The following MAPK7 variants were observed in gnomAD, a reference collection of about 807,000 sequenced individuals.
The protein encoded by MAPK7 is BMK-1.
In MAPK7, 30 loss-of-function variants were observed where a neutral mutation model predicts 56.9. That is an observed-to-expected ratio of 0.53 (90% CI 0.39 to 0.72). The LOEUF is 0.72. Among genes scored for constraint, MAPK7 ranks in the 30% least tolerant of loss-of-function variants. The pLI is 0.00. For missense variants in MAPK7, 952 were observed against 1,110.8 expected, an observed-to-expected ratio of 0.86 and a Z score of 2.03; for synonymous variants, 516 against 449.3, an observed-to-expected ratio of 1.15 and a Z score of -1.88.
At chr17:19,379,239 C>G (rs1912411497) in intron 2 of MAPK7, 107 bp downstream of exon 2, 3 of 966,238 alleles carry the variant, frequency 3.1e-6, no homozygotes, top group Admixed American at 2.2e-5. Flanking sequence ...AGTTCTGGCT[C>G]CAGTCAACAC....
chr17:19,382,296 G>T lies in MAPK7; in HGVS notation c.1993G>T (p.Ala665Ser). Residue 665 changes from alanine to serine, a missense_variant, in exon 5 of 7, where the codon GCT (alanine) becomes TCT (serine). Around this residue, in one of 5 missense-constraint regions of MAPK7, gnomAD observed 234 missense variants for 210.4 expected, o/e 1.11. Transcript: ENST00000395604. Reference sequence around the variant, plus strand: ...GATTGCCACCTCCACCAGCCTCCTGGCTGCCCAGTCACTTGTGCCACCCCC... The same window carrying T: ...GATTGCCACCTCCACCAGCCTCCTGTCTGCCCAGTCACTTGTGCCACCCCC... The part of the protein sequence containing the change: ...PQIATSTSLL[A>S]AQSLVPPPGL... 1 of 1,613,046 alleles carries T rather than the reference G, an allele frequency of 6.2e-7. No individual in the cohort carries two copies. Among genetic ancestry groups the T allele is most frequent in the East Asian group, 2.2e-5 (1 of 44,852 alleles).
rs751828560 is a variant in MAPK7, at chr17:19,382,430, T to G, written c.2127T>G (p.Asp709Glu). ...APQSSMSESPDVNLVTQQLSK... is the reference protein window; with the variant it reads ...APQSSMSESPEVNLVTQQLSK... Reference sequence around the variant, plus strand: ...AGTCTTCCATGTCAGAGTCACCTGATGTCAACCTTGTGACCCAGCAGCTAT... The same window carrying G: ...AGTCTTCCATGTCAGAGTCACCTGAGGTCAACCTTGTGACCCAGCAGCTAT... The change falls in exon 5 of 7, where the codon GAT becomes GAG. Residue 709 changes from aspartate (D) to glutamate (E), a missense_variant. By Grantham distance (45) the Asp-to-Glu change is conservative. Coordinates refer to ENST00000395604, the MANE Select transcript of MAPK7 (RefSeq NM_002749.4). The G allele has an allele frequency of 6.2e-7, 1 of 1,608,564 alleles. No homozygotes were observed. Among genetic ancestry groups the G allele is most frequent in the South Asian group, 1.1e-5 (1 of 90,320 alleles).
At position 19,379,120 on chromosome 17, in the gene MAPK7, C is replaced by T. The variant is rs745794753; in HGVS notation, c.220C>T (p.Arg74Cys). ...CTATGGAGTGGTGTCCTCCGCCCGCCGCCGCCTCACCGGTGAGCTTCCTGA... is the reference window on the plus strand; with the variant it reads ...CTATGGAGTGGTGTCCTCCGCCCGCTGCCGCCTCACCGGTGAGCTTCCTGA... ...GAYGVVSSAR[R>C]RLTGQQVAIK... Residue 74 changes from arginine (R) to cysteine (C), a missense_variant, in exon 2 of 7, where the codon CGC (arginine) becomes TGC (cysteine). Around this residue, in one of 5 missense-constraint regions of MAPK7, gnomAD observed 213 missense variants for 243.2 expected, o/e 0.88. Coordinates refer to ENST00000395604, the MANE Select transcript of MAPK7 (RefSeq NM_002749.4). 41 of 1,612,562 alleles carry T rather than the reference C, an allele frequency of 2.5e-5. No homozygotes were observed. The South Asian group carries it at 2.7e-4, about 11-fold the overall frequency.
At chr17:19,382,582 C>T (rs1291663843) in intron 5 of MAPK7, 116 bp downstream of exon 5, 7 of 1,495,906 alleles carry the variant, frequency 4.7e-6, no homozygotes, top group African/African-American at 2.8e-5. Context: ...TATCTCTGAA[C>T]GTGTCCTCTT....
Position 19,381,812 on chromosome 17 carries a change from G to T in MAPK7, c.1509G>T (p.Glu503Asp), listed in dbSNP as rs1416546758. The change falls in exon 5 of 7, where the codon GAG (glutamate) becomes GAT (aspartate). Residue 503 changes from glutamate to aspartate, a missense_variant. Glu to Asp is a conservative substitution (Grantham distance 45). Around this residue, in one of 5 missense-constraint regions of MAPK7, gnomAD observed 429 missense variants for 533.0 expected, o/e 0.80. Coordinates refer to ENST00000395604, the MANE Select transcript of MAPK7 (RefSeq NM_002749.4). This position sits in a 1 kb window ranked among gnomAD's most constrained non-coding sequence, Gnocchi z 4.6. ...DGPSAPLEAP[E>D]PRKPVTAQER... The stretch of plus-strand genomic sequence containing the variant: ...CCAGCGCACCCCTGGAGGCTCCTGA[G>T]CCTCGGAAGCCGGTGACAGCCCAGG... 2 of 1,563,388 alleles carry T rather than the reference G, an allele frequency of 1.3e-6. No homozygotes were observed. Among genetic ancestry groups the T allele is most frequent in the South Asian group, 2.4e-5 (2 of 81,886 alleles).
chr17:19,377,925 G>T (rs1157832362), upstream of MAPK7: 1 of 985,294 alleles, frequency 1.0e-6, no homozygotes, highest in Non-Finnish European at 1.2e-6. Context: ...CTCAGCCACC[G>T]GAAGTCAGTG....
In MAPK7 at chr17:19,378,927, C is replaced by A. The variant is rs544657727; in HGVS notation, c.27C>A (p.Asp9Glu). Residue 9 changes from aspartate to glutamate, a missense_variant, in exon 2 of 7, where the codon GAC becomes GAA. Asp to Glu is a conservative substitution (Grantham distance 45). Coordinates refer to ENST00000395604, the MANE Select transcript of MAPK7 (RefSeq NM_002749.4). The surrounding 1 kb of genome is among the most constrained non-coding windows in gnomAD (Gnocchi z 5.4). Reference protein sequence around the residue: MAEPLKEEDGEDGSAEPPG... With the variant: MAEPLKEEEGEDGSAEPPG... The stretch of plus-strand genomic sequence containing the variant: ...TGGCCGAGCCTCTGAAGGAGGAAGA[C>A]GGCGAGGACGGCTCTGCGGAGCCCC... 2.0e-4 allele frequency: 309 copies of A among 1,581,846 alleles called. 1 individual carries two copies. In the South Asian group the frequency reaches 3.4e-3, roughly 17 times the overall value.
chr17:19,383,480 T>G lies in MAPK7; in HGVS notation c.*249T>G. The G allele has an allele frequency of 6.2e-6, 2 of 323,606 alleles. No homozygotes were observed. The highest frequency in any genetic ancestry group is 1.1e-5 in the Non-Finnish European group (2 of 180,368). The allele number at this position is 323,606 out of a possible 1,614,324, so 20.0% of individuals were successfully genotyped here. A position where few individuals can be genotyped will look rare whatever the true frequency, so the allele number is the denominator to read the frequency against. ...TATATTTTTATTATTATTATGTTAT[T>G]ATTACACTGTCTTTTTGCCATCAAA... On this transcript the variant is annotated 3_prime_UTR_variant, in exon 7 of 7. Transcript: ENST00000395604.
rs764812483 is a variant in MAPK7 at position 19,382,055 on chromosome 17, C to G, written c.1752C>G (p.Thr584=). 2 of 1,583,428 alleles carry G rather than the reference C, an allele frequency of 1.3e-6. No individual in the cohort carries two copies. Among genetic ancestry groups the G allele is most frequent in the South Asian group, 2.3e-5 (2 of 87,970 alleles). Residue 584 remains threonine (T), a synonymous_variant, in exon 5 of 7, where the codon ACC becomes ACG. Coordinates refer to ENST00000395604, the MANE Select transcript of MAPK7 (RefSeq NM_002749.4). ...CCCGGCCCGCAGCCCCAGCCCTCAC[C>G]TCTGTGCCGGCCCCTGCCCCAGCGC... ...RMARPAAPAL[T]SVPAPAPAPT... is the part of the protein sequence containing the mutation.
rs780745996 is a variant in MAPK7, at chr17:19,381,773, C to T, written c.1478-8C>T. 6 of 1,538,198 alleles carry T rather than the reference C, an allele frequency of 3.9e-6. No individual in the cohort carries two copies. Among genetic ancestry groups the T allele is most frequent in the African/African-American group, 1.4e-5 (1 of 72,326 alleles). On this transcript the variant is annotated splice_polypyrimidine_tract_variant and splice_region_variant and intron_variant, in intron 4 of 6. Transcript: ENST00000395604. This position sits in a 1 kb window ranked among gnomAD's most constrained non-coding sequence, Gnocchi z 4.6. Reference sequence around the variant, plus strand: ...TTTTACCTTCTCCCCTGCCCAACTTCCCCGCAGATGGCCCCAGCGCACCCC... The same window carrying T: ...TTTTACCTTCTCCCCTGCCCAACTTTCCCGCAGATGGCCCCAGCGCACCCC...
At chr17:19,379,732 G>T (rs1219437082) in intron 2 of MAPK7, 50 bp from the exon 3 acceptor site, 1 of 1,579,866 alleles carries the variant, frequency 6.3e-7, no homozygotes, top group Non-Finnish European at 8.6e-7. Flanking sequence ...AGTCGACTCT[G>T]CAGTTTCTCC....
At chr17:19,380,464 C>T (rs907794970) in intron 3 of MAPK7, 144 bp from the exon 4 acceptor site, 8 of 1,435,470 alleles carry the variant, frequency 5.6e-6, no homozygotes, top group Non-Finnish European at 6.4e-6. Context: ...TGATGCTCTT[C>T]TTCCATACCA....
rs764742461 is a variant in MAPK7 at position 19,382,078 on chromosome 17, C to CG, written c.1776dup (p.Pro593AlafsTer117). The CG allele has an allele frequency of 3.1e-6, 5 of 1,600,738 alleles. No homozygotes were observed. Among genetic ancestry groups the CG allele is most frequent in the Non-Finnish European group, 4.3e-6 (5 of 1,174,246 alleles). On this transcript the variant is annotated frameshift_variant, in exon 5 of 7. Transcript: ENST00000395604. LOFTEE classifies it high-confidence loss of function. The stretch of plus-strand genomic sequence containing the variant: ...ACCTCTGTGCCGGCCCCTGCCCCAG[C>CG]GCCAACGCCAACCCCAACCCCAGTC...
upstream of MAPK7, chr17:19,378,321 G>T: frequency 1.0e-6 from 1 of 988,494 alleles, no homozygotes; most frequent in Non-Finnish European, 1.2e-6. This position sits in a 1 kb window ranked among gnomAD's most constrained non-coding sequence, Gnocchi z 5.4. Context: ...GCACCCTTTG[G>T]GCGGCTCCCG....
chr17:19,378,943 G>A lies in MAPK7; in HGVS notation c.43G>A (p.Ala15Thr), dbSNP rs555044170. Reference sequence around the variant, plus strand: ...GGAGGAAGACGGCGAGGACGGCTCTGCGGAGCCCCCCGGGCCCGTGAAGGC... The same window carrying A: ...GGAGGAAGACGGCGAGGACGGCTCTACGGAGCCCCCCGGGCCCGTGAAGGC... Reference protein sequence around the residue: ...LKEEDGEDGSAEPPGPVKAEP... With the variant: ...LKEEDGEDGSTEPPGPVKAEP... The change falls in exon 2 of 7, where the codon GCG becomes ACG. Residue 15 changes from alanine (A) to threonine (T), a missense_variant. Around this residue, in one of 5 missense-constraint regions of MAPK7, gnomAD observed 213 missense variants for 243.2 expected, o/e 0.88. Transcript: ENST00000395604. This position sits in a 1 kb window ranked among gnomAD's most constrained non-coding sequence, Gnocchi z 5.4. The A allele has an allele frequency of 3.8e-6, 6 of 1,595,254 alleles. No individual in the cohort carries two copies. In the South Asian group the frequency reaches 5.6e-5, roughly 15 times the overall value.
intron 3 of MAPK7, chr17:19,380,277 A>AT (rs1281156137): frequency 4.0e-6 from 2 of 496,300 alleles, no homozygotes; most frequent in East Asian, 7.3e-5. Flanking sequence ...AGCCTGGTCA[A>AT]TTTTCATCAT....
chr17:19,382,199 C>G lies in MAPK7; in HGVS notation c.1896C>G (p.Ala632=). The G allele has an allele frequency of 6.2e-7, 1 of 1,612,242 alleles. No individual in the cohort carries two copies. Among genetic ancestry groups the G allele is most frequent in the Non-Finnish European group, 8.5e-7 (1 of 1,179,624 alleles). The change falls in exon 5 of 7, where the codon GCC becomes GCG. Residue 632 remains alanine, a synonymous_variant. Coordinates refer to ENST00000395604, the MANE Select transcript of MAPK7 (RefSeq NM_002749.4). The part of the protein sequence containing the change: ...GSTSGPVPQP[A]CPPPGPAPHP... ...CCTCTGGCCCTGTACCCCAGCCTGC[C>G]TGCCCACCCCCTGGCCCTGCACCCC... is the stretch of plus-strand genomic sequence containing the variant.
intron 2 of MAPK7, chr17:19,379,516 A>G: frequency 1.8e-6 from 1 of 562,930 alleles, no homozygotes; most frequent in South Asian, 2.2e-5. Flanking sequence ...ACCACTGGGC[A>G]TCCGTGCAAC....
chr17:19,381,731 T>C lies in MAPK7; in HGVS notation c.1477+45T>C, dbSNP rs754148978. 1 of 1,543,270 alleles carries C rather than the reference T, an allele frequency of 6.5e-7. No individual in the cohort carries two copies. The highest frequency in any genetic ancestry group is 1.3e-5 in the South Asian group (1 of 78,160). On this transcript the variant is annotated intron_variant, in intron 4 of 6. Transcript: ENST00000395604. The surrounding 1 kb of genome is among the most constrained non-coding windows in gnomAD (Gnocchi z 4.6). Reference sequence around the variant, plus strand: ...GGTGGGCAGAGGGGAGACTTGGACTTGGACAAGGCTTCAGGCTTTTACCTT... The same window carrying C: ...GGTGGGCAGAGGGGAGACTTGGACTCGGACAAGGCTTCAGGCTTTTACCTT...
Sources: allele counts gnomAD v4.1 joint callset, GRCh38; gene constraint gnomAD v4.1.1; regional missense constraint gnomAD v4.1.1; non-coding constraint Gnocchi (gnomAD v3.1); transcripts MANE v1.5; gene names NCBI Gene and HGNC (gene_info 2026-07-23, HGNC 2026-07-21).